The following CORIN variants were observed in gnomAD, a reference collection of about 807,000 sequenced individuals.
CORIN encodes the protein atrial natriuretic peptide-converting enzyme.
In CORIN, 117 loss-of-function variants were observed where a neutral mutation model predicts 125.3. The observed-to-expected ratio is 0.93, with a 90% CI of 0.80 to 1.09. CORIN has a LOEUF of 1.09. CORIN is among the 50% of genes least tolerant of loss of function. The pLI, the probability that CORIN is intolerant of heterozygous loss-of-function variation, is 0.00. For synonymous variants in CORIN, 450 were observed against 466.4 expected, an observed-to-expected ratio of 0.96 and a Z score of 0.45; for missense variants, 1,253 against 1,306.7, an observed-to-expected ratio of 0.96 and a Z score of 0.63.
chr4:47,609,940 C>T (rs1721807973), intron 19 of CORIN, among the ~76,000 whole-genome samples: 1 of 152,158 alleles, frequency 6.6e-6, no homozygotes, highest in Non-Finnish European at 1.5e-5. Flanking sequence ...GATCTCATTC[C>T]ATTTTATGGC....
intron 4 of CORIN, among the ~76,000 whole-genome samples, chr4:47,757,823 T>G (rs2109859930): frequency 6.9e-6 from 1 of 145,920 alleles, no homozygotes; most frequent in South Asian, 2.2e-4. Context: ...AGAGATTGAA[T>G]TATAATCAGG....
At chr4:47,793,486 C>T (rs1280414806) in intron 2 of CORIN, among the ~76,000 whole-genome samples, 2 of 152,032 alleles carry the variant, frequency 1.3e-5, no homozygotes, top group African/African-American at 4.8e-5. Flanking sequence ...GAAGGATAAT[C>T]AGAGGTGACA....
At chr4:47,724,868 A>G (rs1035845261) in intron 5 of CORIN, among the ~76,000 whole-genome samples, 1 of 152,186 alleles carries the variant, frequency 6.6e-6, no homozygotes, top group Non-Finnish European at 1.5e-5. Context: ...AAATAACATA[A>G]TCTAATTATA....
chr4:47,745,778 G>A (rs761421513), intron 4 of CORIN, among the ~76,000 whole-genome samples: 5 of 152,176 alleles, frequency 3.3e-5, no homozygotes, highest in South Asian at 2.1e-4. Flanking sequence ...TAGGCCAGCC[G>A]TTGAGATCAA....
intron 19 of CORIN, among the ~76,000 whole-genome samples, chr4:47,613,018 T>C (rs1403212752): frequency 6.6e-6 from 1 of 152,184 alleles, no homozygotes; most frequent in Non-Finnish European, 1.5e-5. Context: ...AAAGCTATGA[T>C]AATATGTCCA....
chr4:47,761,948 T>C (rs945270109), intron 4 of CORIN, among the ~76,000 whole-genome samples: 1 of 152,016 alleles, frequency 6.6e-6, no homozygotes, highest in African/African-American at 2.4e-5. Flanking sequence ...CTGGACAATA[T>C]AGCGACACCC....
At chr4:47,696,070 T>C (rs1334743471) in intron 5 of CORIN, among the ~76,000 whole-genome samples, 1 of 152,214 alleles carries the variant, frequency 6.6e-6, no homozygotes, top group Non-Finnish European at 1.5e-5. Flanking sequence ...TTTTTCTCTC[T>C]AAACAAAAGA....
intron 1 of CORIN, among the ~76,000 whole-genome samples, chr4:47,820,591 A>G (rs141186009): frequency 1.2e-4 from 18 of 152,320 alleles, no homozygotes; most frequent in East Asian, 1.2e-3. Flanking sequence ...AAATTAATAT[A>G]AAAGTAGATC....
intron 3 of CORIN, among the ~76,000 whole-genome samples, chr4:47,772,436 G>A (rs1210652106): frequency 1.3e-5 from 2 of 152,168 alleles, no homozygotes; most frequent in Non-Finnish European, 2.9e-5. Context: ...AGCAGCATCT[G>A]TCAGGCATTT....
chr4:47,742,022 TTAA>T (rs1390742922), intron 5 of CORIN, among the ~76,000 whole-genome samples: 2 of 151,990 alleles, frequency 1.3e-5, no homozygotes, highest in African/African-American at 4.8e-5. Flanking sequence ...ACTAAACCAC[TTAA>T]TAATATACTT....
At chr4:47,721,743 G>C (rs1476303518) in intron 5 of CORIN, among the ~76,000 whole-genome samples, 2 of 152,142 alleles carry the variant, frequency 1.3e-5, no homozygotes, top group Admixed American at 1.3e-4. Flanking sequence ...ATAAGAACAT[G>C]TATCTAAAGG....
In CORIN at chr4:47,643,253, A is replaced by T. The variant is rs770803504; in HGVS notation, c.1961T>A (p.Phe654Tyr). ...ACATTCCAGCTCATCATCTTGGCAA[A>T]ATGCTGGCATGGGGAACAAAAAGTG... Reference protein sequence around the residue: ...PDYMDEKNCSFCQDDELECAN... With the variant: ...PDYMDEKNCSYCQDDELECAN... Residue 654 changes from phenylalanine to tyrosine, a missense_variant, in exon 15 of 22, where the codon TTT (phenylalanine) becomes TAT (tyrosine). Physicochemically the swap from Phe to Tyr is conservative, Grantham distance 22 (BLOSUM62 3). Transcript: ENST00000273857. 1.3e-5 allele frequency: 20 copies of T among 1,595,206 alleles called. No homozygotes were observed. The South Asian group carries it at 1.9e-4, about 15-fold the overall frequency.
intron 5 of CORIN, among the ~76,000 whole-genome samples, chr4:47,737,019 G>T (rs1192952329): frequency 6.6e-6 from 1 of 152,180 alleles, no homozygotes; most frequent in Non-Finnish European, 1.5e-5. Flanking sequence ...GAAAACTTCA[G>T]AAAAGTAGAA....
At chr4:47,728,823 G>A (rs1727719313) in intron 5 of CORIN, among the ~76,000 whole-genome samples, 1 of 152,142 alleles carries the variant, frequency 6.6e-6, no homozygotes, top group Non-Finnish European at 1.5e-5. Flanking sequence ...GAAGCCCAAG[G>A]ATCAACCTAT....
intron 12 of CORIN, among the ~76,000 whole-genome samples, chr4:47,657,764 A>C (rs1370386277): frequency 2.0e-5 from 3 of 151,982 alleles, no homozygotes; most frequent in African/African-American, 4.8e-5. Flanking sequence ...CACCATGACC[A>C]GATCTCCTGT....
chr4:47,607,175 T>C (rs944348744), intron 19 of CORIN, among the ~76,000 whole-genome samples: 4 of 152,272 alleles, frequency 2.6e-5, no homozygotes, highest in Non-Finnish European at 5.9e-5. Flanking sequence ...CCTTATGGTA[T>C]AGACAGGCAG....
chr4:47,721,624 C>T (rs1577861943), intron 5 of CORIN, among the ~76,000 whole-genome samples: 1 of 152,164 alleles, frequency 6.6e-6, no homozygotes, highest in South Asian at 2.1e-4. Flanking sequence ...TAATACCATC[C>T]TCTTGGGGTT....
At chr4:47,791,934 A>G (rs189052771) in intron 2 of CORIN, among the ~76,000 whole-genome samples, 1 of 152,332 alleles carries the variant, frequency 6.6e-6, no homozygotes, top group Admixed American at 6.5e-5. Flanking sequence ...GCAATCTAAA[A>G]AATATTAATA....
chr4:47,595,601 G>T lies in CORIN; in HGVS notation c.*120C>A. The stretch of plus-strand genomic sequence containing the variant: ...ACAAACATGCAAATTTGCAGTGCAC[G>T]ATTGAGCATTTCTGTCCATGAAAAG... On this transcript the variant is annotated 3_prime_UTR_variant, in exon 22 of 22. Transcript: ENST00000273857. The T allele has an allele frequency of 3.1e-6, 2 of 647,584 alleles. No individual in the cohort carries two copies. The highest frequency in any genetic ancestry group is 2.5e-6 in the Non-Finnish European group (1 of 401,162). The allele number at this position is 647,584 out of a possible 1,614,324, so 40.1% of individuals were successfully genotyped here.
Sources: gnomAD v4.1 joint callset for allele counts (sites outside exome capture counted in the v4.1 genomes callset) on GRCh38, gnomAD v4.1.1 for gene constraint, MANE v1.5 for transcripts, NCBI Gene and HGNC (gene_info 2026-07-23, HGNC 2026-07-21) for gene names.